C1orf146: variants seen among roughly 807,000 people sequenced by gnomAD.
C1orf146 encodes protein SPO16 homolog.
C1orf146 carries 22 observed loss-of-function variants against 23.0 expected under a neutral mutation model. The observed-to-expected ratio is 0.96, with a 90% CI of 0.68 to 1.36. The LOEUF (loss-of-function observed/expected upper bound fraction) is 1.36, where lower values mean the gene tolerates loss of function less well. Ranked by LOEUF, C1orf146 falls within the 40% of genes most tolerant of loss-of-function variation. C1orf146 has a pLI of 0.00. For synonymous variants in C1orf146, 59 were observed against 65.3 expected, an observed-to-expected ratio of 0.90 and a Z score of 0.47; for missense variants, 199 against 206.8, an observed-to-expected ratio of 0.96 and a Z score of 0.23.
intron 2 of C1orf146, among the ~76,000 whole-genome samples, chr1:92,233,278 A>T (rs1000786602): frequency 2.6e-5 from 4 of 151,674 alleles, no homozygotes; most frequent in Non-Finnish European, 5.9e-5. Flanking sequence ...TCTTGAATTG[A>T]TTTTTGTATA....
intron 3 of C1orf146, among the ~76,000 whole-genome samples, chr1:92,243,780 C>A (rs1378356387): frequency 5.3e-5 from 8 of 152,060 alleles, no homozygotes; most frequent in Admixed American, 5.2e-4. Flanking sequence ...AGCTCCATGT[C>A]CCTTCCCACA....
At chr1:92,228,521 A>G (rs906216950) in intron 1 of C1orf146, among the ~76,000 whole-genome samples, 4 of 152,224 alleles carry the variant, frequency 2.6e-5, no homozygotes, top group Non-Finnish European at 2.9e-5. Flanking sequence ...TGCTTCTGGC[A>G]GAGAGTTTTT....
chr1:92,241,412 G>A (rs916321381), intron 2 of C1orf146, among the ~76,000 whole-genome samples: 11 of 151,440 alleles, frequency 7.3e-5, no homozygotes, highest in East Asian at 3.9e-4. Flanking sequence ...ATGTTGCCCC[G>A]GCTGGTCTTG....
intron 2 of C1orf146, among the ~76,000 whole-genome samples, chr1:92,235,211 G>A (rs868082413): frequency 6.6e-5 from 10 of 151,734 alleles, no homozygotes; most frequent in East Asian, 1.9e-4. Flanking sequence ...TAGGGTGTCA[G>A]TTTTGGATCT....
intron 1 of C1orf146, among the ~76,000 whole-genome samples, chr1:92,231,151 T>A (rs548698138): frequency 1.3e-5 from 2 of 152,338 alleles, no homozygotes; most frequent in South Asian, 2.1e-4. Flanking sequence ...CAAGTCCTCA[T>A]TCTTTGAAGT....
chr1:92,235,041 T>C (rs942799289), intron 2 of C1orf146, among the ~76,000 whole-genome samples: 1 of 152,208 alleles, frequency 6.6e-6, no homozygotes, highest in African/African-American at 2.4e-5. Flanking sequence ...TCAATTTTGT[T>C]GATCCTTTCA....
chr1:92,228,053 TTG>T (rs1053569621), intron 1 of C1orf146, among the ~76,000 whole-genome samples: 1 of 152,196 alleles, frequency 6.6e-6, no homozygotes, highest in African/African-American at 2.4e-5. Flanking sequence ...TAATAATGCC[TTG>T]TGTGTGTATT....
At chr1:92,244,712 T>C (rs1652534573) in intron 4 of C1orf146, 67 bp from the exon 5 acceptor site, 1 of 1,009,526 alleles carries the variant, frequency 9.9e-7, no homozygotes, top group Non-Finnish European at 1.5e-6. Flanking sequence ...TGTCTCTTCT[T>C]TCCACTTTCT....
intron 2 of C1orf146, among the ~76,000 whole-genome samples, chr1:92,236,767 T>C (rs1376802724): frequency 6.6e-6 from 1 of 152,246 alleles, no homozygotes; most frequent in East Asian, 1.9e-4. Flanking sequence ...AGATTTGGTG[T>C]TTTCACATAG....
At chr1:92,224,194 G>A (rs557393339) in intron 1 of C1orf146, among the ~76,000 whole-genome samples, 6 of 151,794 alleles carry the variant, frequency 4.0e-5, no homozygotes, top group Admixed American at 1.3e-4. Flanking sequence ...GGGACTACAG[G>A]CGCCCACCAC....
At chr1:92,240,820 G>A (rs1652416503) in intron 2 of C1orf146, 4 of 415,262 alleles carry the variant, frequency 9.6e-6, no homozygotes, top group African/African-American at 4.2e-5. Flanking sequence ...CATTGTGCCT[G>A]GCCAAGTTTA....
chr1:92,238,566 C>G (rs1034675293), intron 2 of C1orf146, among the ~76,000 whole-genome samples: 16 of 152,182 alleles, frequency 1.1e-4, no homozygotes, highest in African/African-American at 3.6e-4. Context: ...AGCTCTTGAA[C>G]TTACTGTTTT....
Position 92,244,316 on chromosome 1 carries a change from G to GT in C1orf146, c.266dup (p.Leu89PhefsTer11), listed in dbSNP as rs764438167. On this transcript the variant is annotated frameshift_variant, in exon 4 of 6. Coordinates refer to ENST00000370375, the MANE Select transcript of C1orf146 (RefSeq NM_001012425.2). LOFTEE classifies it high-confidence loss of function. ...AAATTTATTAACATTCACCAAAATA[G>GT]TTTTTTGGTTTTGTCTGCTGCCCTC... The GT allele has an allele frequency of 5.0e-6, 8 of 1,611,382 alleles. No homozygotes were observed. The highest frequency in any genetic ancestry group is 5.9e-6 in the Non-Finnish European group (7 of 1,177,932).
chr1:92,237,542 G>T (rs1184314946), intron 2 of C1orf146, among the ~76,000 whole-genome samples: 1 of 152,206 alleles, frequency 6.6e-6, no homozygotes, highest in Non-Finnish European at 1.5e-5. Flanking sequence ...CAGTTAGGCT[G>T]CTCAGGGGTC....
intron 2 of C1orf146, among the ~76,000 whole-genome samples, chr1:92,236,187 C>G (rs565254056): frequency 6.6e-6 from 1 of 151,714 alleles, no homozygotes; most frequent in Non-Finnish European, 1.5e-5. Context: ...TTAGTTGATG[C>G]AGTTTCTTCC....
intron 1 of C1orf146, among the ~76,000 whole-genome samples, chr1:92,219,496 CT>C (rs71091269): frequency 1.2e-5 from 1 of 81,154 alleles, no homozygotes. Context: ...CTTTCTCTTT[CT>C]TTTTTTTTTT....
intron 1 of C1orf146, among the ~76,000 whole-genome samples, chr1:92,219,228 C>T (rs1651760678): frequency 6.6e-6 from 1 of 152,102 alleles, no homozygotes; most frequent in African/African-American, 2.4e-5. Context: ...CTTCCCCCAG[C>T]CAACTCACCA....
At chr1:92,243,883 A>G (rs1306920758) in intron 3 of C1orf146, among the ~76,000 whole-genome samples, 3 of 152,100 alleles carry the variant, frequency 2.0e-5, no homozygotes, top group African/African-American at 2.4e-5. Context: ...TGAAAAATTA[A>G]CTTTTTAAAT....
At chr1:92,239,954 C>T (rs1652390226) in intron 2 of C1orf146, among the ~76,000 whole-genome samples, 1 of 152,158 alleles carries the variant, frequency 6.6e-6, no homozygotes, top group Non-Finnish European at 1.5e-5. Flanking sequence ...GTATCCTATA[C>T]ATCTAGAGTG....
Sources: gnomAD v4.1 joint callset for allele counts (sites outside exome capture counted in the v4.1 genomes callset) on GRCh38, gnomAD v4.1.1 for gene constraint, MANE v1.5 for transcripts, NCBI Gene and HGNC (gene_info 2026-07-23, HGNC 2026-07-21) for gene names.